PDE3B: variants seen among roughly 807,000 people sequenced by gnomAD.
The protein encoded by PDE3B is cGMP-inhibited 3',5'-cyclic phosphodiesterase 3B.
In PDE3B, 66 loss-of-function variants were observed where a neutral mutation model predicts 116.8. The observed-to-expected ratio is 0.56, with a 90% CI of 0.46 to 0.69. PDE3B has a LOEUF of 0.69. PDE3B is among the 30% of genes least tolerant of loss of function. The pLI is 0.00. For missense variants in PDE3B, 1,384 were observed against 1,368.1 expected (o/e 1.01, Z -0.18); for synonymous variants, 595 against 533.6 (o/e 1.12, Z -1.59).
At chr11:14,837,332 G>A (rs577282550) in intron 11 of PDE3B, among the ~76,000 whole-genome samples, 1 of 152,228 alleles carries the variant, frequency 6.6e-6, no homozygotes, top group Non-Finnish European at 1.5e-5. Context: ...ATTCCTCTTT[G>A]CTTACGAGTT....
rs563347463 is a variant in PDE3B, at chr11:14,802,082, A to G, written c.1416-1862A>G. Among the ~76,000 whole-genome samples, 94 of 152,266 alleles carry G rather than the reference A, an allele frequency of 6.2e-4. 1 individual carries two copies. The highest frequency in any genetic ancestry group is 2.1e-3 in the African/African-American group (88 of 41,546). On this transcript the variant is annotated intron_variant, in intron 4 of 15. Coordinates refer to ENST00000282096, the MANE Select transcript of PDE3B (RefSeq NM_000922.4). ...GTTTGCTGGGCTCTGTGGCGGTGAG[A>G]TCTGCAGAGCCAGACCACTTGGCTC...
chr11:14,823,658 C>G (rs1859590453), intron 7 of PDE3B, among the ~76,000 whole-genome samples: 1 of 152,116 alleles, frequency 6.6e-6, no homozygotes, highest in Non-Finnish European at 1.5e-5. Context: ...GATGGAGCTC[C>G]CAGAGGGATA....
At chr11:14,726,410 G>GTGAA (rs1411233700) in intron 1 of PDE3B, among the ~76,000 whole-genome samples, 4 of 151,898 alleles carry the variant, frequency 2.6e-5, no homozygotes, top group African/African-American at 9.7e-5. Flanking sequence ...TTTTTTTTTA[G>GTGAA]TGAATGAATG....
intron 4 of PDE3B, among the ~76,000 whole-genome samples, chr11:14,794,826 A>G (rs976694971): frequency 3.3e-5 from 5 of 152,190 alleles, no homozygotes; most frequent in African/African-American, 1.2e-4. Context: ...ACAGAACTCA[A>G]GGAAGCATGT....
intron 1 of PDE3B, among the ~76,000 whole-genome samples, chr11:14,687,158 C>T (rs371108064): frequency 1.2e-4 from 19 of 152,120 alleles, no homozygotes; most frequent in African/African-American, 3.9e-4. Context: ...ATGAATTAGC[C>T]GAACAATTTG....
At chr11:14,664,516 C>G (rs1854058730) in intron 1 of PDE3B, among the ~76,000 whole-genome samples, 1 of 131,478 alleles carries the variant, frequency 7.6e-6, no homozygotes, top group African/African-American at 2.5e-5. Flanking sequence ...TGATAGACCG[C>G]TAACAAGACT....
chr11:14,885,060 T>C, the PDE3B span, among the ~76,000 whole-genome samples: 1 of 152,224 alleles, frequency 6.6e-6, no homozygotes. Flanking sequence ...TCAACCAATG[T>C]CTTTAGTTTT....
At chr11:14,837,094 G>A (rs536867229) in intron 11 of PDE3B, among the ~76,000 whole-genome samples, 232 of 152,246 alleles carry the variant, frequency 1.5e-3, no homozygotes, top group Non-Finnish European at 2.7e-3. Context: ...GATTACAGGC[G>A]TGAGCCACTG....
At chr11:14,822,325 G>A (rs1374535628) in intron 7 of PDE3B, among the ~76,000 whole-genome samples, 1 of 152,238 alleles carries the variant, frequency 6.6e-6, no homozygotes, top group Admixed American at 6.5e-5. Context: ...TGGCCAACTA[G>A]AAGCAGCTAA....
At chr11:14,878,360 T>A in the PDE3B span, 1 of 1,475,510 alleles carries the variant, frequency 6.8e-7, no homozygotes, top group Non-Finnish European at 9.4e-7. Context: ...AATTAATGTC[T>A]AATATTTGGA....
intron 5 of PDE3B, among the ~76,000 whole-genome samples, chr11:14,805,629 C>A (rs187279460): frequency 6.6e-6 from 1 of 152,146 alleles, no homozygotes; most frequent in Non-Finnish European, 1.5e-5. Context: ...GAAAAACGTA[C>A]ATTTTTTTCA....
intron 1 of PDE3B, among the ~76,000 whole-genome samples, chr11:14,713,033 A>T (rs1855755801): frequency 6.6e-6 from 1 of 152,246 alleles, no homozygotes; most frequent in Admixed American, 6.5e-5. Flanking sequence ...TTTATGTAAC[A>T]TTCATTTTAA....
intron 1 of PDE3B, among the ~76,000 whole-genome samples, chr11:14,721,389 A>G (rs2133841496): frequency 6.6e-6 from 1 of 151,384 alleles, no homozygotes; most frequent in East Asian, 2.0e-4. Flanking sequence ...ATCTAGAACT[A>G]GAAATACCAT....
rs1848109035 is a variant in PDE3B at position 14,869,592 on chromosome 11, G to A, written c.3271G>A (p.Val1091Met). The change falls in exon 16 of 16, where the codon GTG (valine) becomes ATG (methionine). Residue 1091 changes from valine (V) to methionine (M), a missense_variant. Physicochemically the swap from Val to Met is conservative, Grantham distance 21. Coordinates refer to ENST00000282096, the MANE Select transcript of PDE3B (RefSeq NM_000922.4). ...TAAAGCTGATGGGAATAAACTGCAG[G>A]TGGAGAATTCCTCCTTACCTCAAGC... is the stretch of plus-strand genomic sequence containing the variant. Reference protein sequence around the residue: ...KCKADGNKLQVENSSLPQADE... With the variant: ...KCKADGNKLQMENSSLPQADE... 3.1e-6 allele frequency: 5 copies of A among 1,613,944 alleles called. No individual in the cohort carries two copies. Among genetic ancestry groups the A allele is most frequent in the Non-Finnish European group, 2.5e-6 (3 of 1,179,964 alleles).
At chr11:14,849,266 G>T (rs1847685502) in intron 12 of PDE3B, among the ~76,000 whole-genome samples, 1 of 151,866 alleles carries the variant, frequency 6.6e-6, no homozygotes, top group African/African-American at 2.4e-5. Flanking sequence ...AATGGTGCTG[G>T]GAAAACTGGC....
chr11:14,779,988 G>GA (rs1227689000), intron 2 of PDE3B, among the ~76,000 whole-genome samples: 1,177 of 108,182 alleles, frequency 0.011, 13 homozygotes, highest in East Asian at 0.062. Context: ...CAAGCAAATG[G>GA]AAAAAAAAAA....
chr11:14,776,332 C>G (rs1451728860), intron 2 of PDE3B: 3 of 152,266 alleles, frequency 2.0e-5, no homozygotes, highest in Non-Finnish European at 4.4e-5. Context: ...CTGACAGACA[C>G]TGGGTGGCCA....
intron 4 of PDE3B, among the ~76,000 whole-genome samples, chr11:14,790,887 T>C (rs867485494): frequency 1.5e-4 from 23 of 152,234 alleles, no homozygotes; most frequent in Admixed American, 7.2e-4. Context: ...ACAACCACTA[T>C]TCCTTTTCAG....
the PDE3B span, chr11:14,880,847 T>A: frequency 2.2e-6 from 3 of 1,382,950 alleles, no homozygotes; most frequent in Non-Finnish European, 2.9e-6. Flanking sequence ...ATTTTTTTAA[T>A]GGATGGTTAG....
Sources: allele counts gnomAD v4.1 joint callset (sites outside exome capture counted in the v4.1 genomes callset), GRCh38; gene constraint gnomAD v4.1.1; transcripts MANE v1.5; gene names NCBI Gene and HGNC (gene_info 2026-07-23, HGNC 2026-07-21).